IDS: variants seen among roughly 807,000 people sequenced by gnomAD.
The protein encoded by IDS is iduronate 2-sulfatase.
In IDS, 1 loss-of-function variant was observed where a neutral mutation model predicts 33.5. That is an observed-to-expected ratio of 0.03 (90% CI 0.01 to 0.14). The LOEUF is 0.14. Ranked by LOEUF, IDS falls within the 10% of genes least tolerant of loss-of-function variation. The probability of loss-of-function intolerance (pLI) is 1.00; values close to 1 mark genes in which losing one functional copy is unlikely to be tolerated. For synonymous variants in IDS, 191 were observed against 184.4 expected (o/e 1.04, Z -0.29); for missense variants, 328 against 448.0 (o/e 0.73, Z 2.42).
At chrX:149,486,740 C>T (rs1343108283) in intron 8 of IDS, among the ~76,000 whole-genome samples, 185 bp downstream of exon 8, 1 of 111,401 alleles carries the variant, frequency 9.0e-6, no homozygotes, top group African/African-American at 3.3e-5. Context: ...ACTCTTTCCC[C>T]ACCCAGAGTA....
At chrX:149,495,808 T>C (rs1177365513) in intron 6 of IDS, 1 of 123,432 alleles carries the variant, frequency 8.1e-6, no homozygotes, top group Non-Finnish European at 1.7e-5. Flanking sequence ...CCCTAAATCA[T>C]GGCAAAGGAA....
intron 5 of IDS, among the ~76,000 whole-genome samples, chrX:149,497,439 G>A (rs2089444395): frequency 8.9e-6 from 1 of 112,050 alleles, no homozygotes; most frequent in Non-Finnish European, 1.9e-5. Context: ...TACTAGGAAA[G>A]CAAGATCCCC....
rs1340608360 is a variant in IDS at position 149,504,246 on chromosome X, G to A, written c.151C>T (p.Leu51=). The change falls in exon 2 of 9, where the codon CTG becomes TTG. Residue 51 remains leucine (L), a synonymous_variant. Coordinates refer to ENST00000340855, the MANE Select transcript of IDS (RefSeq NM_000202.8). ...ACCAGCTTATCCCCATAACAGCCCA[G>A]GGAGGGGCGCAGGTCATCCACGATG... ...LIIVDDLRPS[L]GCYGDKLVRS... 2 of 1,208,458 alleles carry A rather than the reference G, an allele frequency of 1.7e-6. No individual in the cohort carries two copies. The highest frequency in any genetic ancestry group is 1.7e-5 in the African/African-American group (1 of 57,806).
intron 6 of IDS, among the ~76,000 whole-genome samples, chrX:149,492,975 G>A (rs2089405701): frequency 9.0e-6 from 1 of 110,986 alleles, no homozygotes; most frequent in Non-Finnish European, 1.9e-5. Flanking sequence ...TGGGGGCAGG[G>A]GGCGCAAGAG....
At chrX:149,492,143 T>A (rs1329845783) in intron 6 of IDS, among the ~76,000 whole-genome samples, 1 of 111,771 alleles carries the variant, frequency 8.9e-6, no homozygotes, top group African/African-American at 3.3e-5. Flanking sequence ...TCTCCCACAC[T>A]CCCTTGTACC....
At chrX:149,494,619 C>A (rs892429910) in intron 6 of IDS, among the ~76,000 whole-genome samples, 2 of 111,457 alleles carry the variant, frequency 1.8e-5, no homozygotes, top group Non-Finnish European at 3.8e-5. Flanking sequence ...CCAGCACATG[C>A]AGGCATCAGG....
intron 8 of IDS, among the ~76,000 whole-genome samples, chrX:149,485,166 TGAC>T (rs2089326184): frequency 8.9e-6 from 1 of 112,305 alleles, no homozygotes; most frequent in African/African-American, 3.2e-5. Context: ...AAGGCCACTG[TGAC>T]GACTTTTACT....
At chrX:149,495,408 A>C in intron 6 of IDS, 1 of 112,103 alleles carries the variant, frequency 8.9e-6, no homozygotes, top group Non-Finnish European at 1.9e-5. Flanking sequence ...TGTTTGCTTT[A>C]AACAATACTC....
At chrX:149,501,187 ACT>A (rs2089477950) in intron 3 of IDS, 150 bp from the exon 4 acceptor site, 2 of 464,627 alleles carry the variant, frequency 4.3e-6, no homozygotes, top group Non-Finnish European at 3.8e-6. Flanking sequence ...CTAAAGCCAA[ACT>A]CTCTAGTTTC....
At chrX:149,484,596 T>G (rs377566515) in intron 8 of IDS, among the ~76,000 whole-genome samples, 1 of 112,982 alleles carries the variant, frequency 8.9e-6, no homozygotes, top group Non-Finnish European at 1.9e-5. Flanking sequence ...CTGGGATTAC[T>G]GGCGTGAGCC....
chrX:149,485,454 G>A (rs782550316), intron 8 of IDS, among the ~76,000 whole-genome samples: 16 of 112,245 alleles, frequency 1.4e-4, no homozygotes, highest in Non-Finnish European at 2.3e-4. Context: ...TGCATATGGA[G>A]TAAGAGAAGA....
Position 149,482,716 on chromosome X carries a change from A to G in IDS, c.*30T>C. ...CCTCTCACCAGCTGGAAGGGAGCAC[A>G]TCACATTTGCCATCCATGGTTGGCA... On this transcript the variant is annotated 3_prime_UTR_variant, in exon 9 of 9. Coordinates refer to ENST00000340855, the MANE Select transcript of IDS (RefSeq NM_000202.8). The G allele has an allele frequency of 8.3e-7, 1 of 1,211,346 alleles. No homozygotes were observed. Among genetic ancestry groups the G allele is most frequent in the Non-Finnish European group, 1.1e-6 (1 of 895,498 alleles).
Position 149,503,262 on chromosome X carries a change from T to C in IDS, c.418+50A>G, listed in dbSNP as rs781858170. ...CCATCCCCAGGATGGGAATGCTGGA[T>C]TCAGACACCACAAACCAAGAGAACC... is the stretch of plus-strand genomic sequence containing the variant. On this transcript the variant is annotated intron_variant, in intron 3 of 8. Transcript: ENST00000340855. 3.4e-5 allele frequency: 41 copies of C among 1,189,459 alleles called. No homozygotes were observed. In the Middle Eastern group the frequency reaches 1.2e-3, roughly 33 times the overall value.
Position 149,505,255 on chromosome X carries a change from AAC to A in IDS, c.-120_-119del. On this transcript the variant is annotated 5_prime_UTR_variant, in exon 1 of 9. Coordinates refer to ENST00000340855, the MANE Select transcript of IDS (RefSeq NM_000202.8). ...CGTCGGGAACCCATGAAGACTGCGC[AAC>A]ACAGCCGCCGCCCGGGCCCGCAGGC... 1 of 404,554 alleles carries A rather than the reference AAC, an allele frequency of 2.5e-6. No individual in the cohort carries two copies. The highest frequency in any genetic ancestry group is 3.9e-6 in the Non-Finnish European group (1 of 253,869). 33.3% of individuals were successfully genotyped at this position (404,554 alleles called of 1,213,427 possible). A position where few individuals can be genotyped will look rare whatever the true frequency, so the allele number is the denominator to read the frequency against.
intron 8 of IDS, among the ~76,000 whole-genome samples, chrX:149,486,348 C>T (rs781905757): frequency 1.3e-4 from 14 of 111,541 alleles, no homozygotes; most frequent in Non-Finnish European, 1.9e-4. Flanking sequence ...TGGACAGGGT[C>T]GGGGGCATCA....
In IDS at chrX:149,490,275, C is replaced by T. The variant is rs368321211; in HGVS notation, c.1006+39G>A. ...GCAAAGCATGTTTCACAGGAAAGTT[C>T]AGATGTTTTGACTCACCAGGGAATT... On this transcript the variant is annotated intron_variant, in intron 7 of 8. Transcript: ENST00000340855. The T allele has an allele frequency of 4.0e-5, 48 of 1,195,724 alleles. 1 individual carries two copies. The African/African-American group carries it at 5.0e-4, about 12-fold the overall frequency.
chrX:149,491,583 C>T (rs782544171), intron 6 of IDS: 1 of 996,200 alleles, frequency 1.0e-6, no homozygotes, highest in Non-Finnish European at 1.3e-6. Context: ...TCTAGCCTTC[C>T]AGCAGGATTA....
chrX:149,487,196 G>A, intron 7 of IDS, 98 bp from the exon 8 acceptor site: 1 of 1,206,505 alleles, frequency 8.3e-7, no homozygotes, highest in Non-Finnish European at 1.1e-6. Context: ...GTAAAAACCA[G>A]AGGAAGTAGA....
chrX:149,504,978 G>A, intron 1 of IDS, 57 bp downstream of exon 1: 2 of 862,597 alleles, frequency 2.3e-6, no homozygotes, highest in Non-Finnish European at 3.4e-6. Flanking sequence ...AAGAAGGAAG[G>A]AGGAAGGAAG....
Sources: allele counts gnomAD v4.1 joint callset (sites outside exome capture counted in the v4.1 genomes callset), GRCh38; gene constraint gnomAD v4.1.1; transcripts MANE v1.5; gene names NCBI Gene and HGNC (gene_info 2026-07-23, HGNC 2026-07-21).